PDGFD: variants seen among roughly 807,000 people sequenced by gnomAD.
PDGFD encodes the protein platelet-derived growth factor D.
Under a neutral mutation model 44.7 loss-of-function variants are expected in PDGFD, and 30 were observed. The observed-to-expected ratio is 0.67, with a 90% CI of 0.50 to 0.91. PDGFD has a LOEUF of 0.91. Among genes scored for constraint, PDGFD ranks in the 40% least tolerant of loss-of-function variants. The pLI is 0.00. For synonymous variants in PDGFD, 173 were observed against 168.4 expected (o/e 1.03, Z -0.21); for missense variants, 445 against 457.8 (o/e 0.97, Z 0.25).
At chr11:104,092,993 T>C (rs755950883) in intron 1 of PDGFD, among the ~76,000 whole-genome samples, 4 of 152,130 alleles carry the variant, frequency 2.6e-5, no homozygotes, top group Non-Finnish European at 5.9e-5. Context: ...TAGAATCTAC[T>C]ACAAAATTAT....
At chr11:104,016,344 A>C (rs1235367425) in intron 1 of PDGFD, among the ~76,000 whole-genome samples, 1 of 152,240 alleles carries the variant, frequency 6.6e-6, no homozygotes, top group African/African-American at 2.4e-5. Context: ...GGTTGGATTC[A>C]AGGCCAAAGA....
At chr11:104,053,344 T>A (rs1860571394) in intron 1 of PDGFD, among the ~76,000 whole-genome samples, 1 of 152,246 alleles carries the variant, frequency 6.6e-6, no homozygotes. Flanking sequence ...GCAAAATAAC[T>A]GAAATTTAAC....
intron 1 of PDGFD, among the ~76,000 whole-genome samples, chr11:104,153,495 G>A (rs539807581): frequency 1.4e-4 from 21 of 152,154 alleles, no homozygotes; most frequent in African/African-American, 2.7e-4. Context: ...AAATTTAACT[G>A]AGGAGGGTTG....
intron 1 of PDGFD, chr11:104,036,848 G>A (rs765905483): frequency 1.2e-6 from 2 of 1,613,892 alleles, no homozygotes; most frequent in Non-Finnish European, 8.5e-7. Context: ...TACTGCGTGC[G>A]GAGGGACCTC....
chr11:104,007,068 C>G (rs1390247977), intron 1 of PDGFD, among the ~76,000 whole-genome samples: 1 of 152,190 alleles, frequency 6.6e-6, no homozygotes, highest in Non-Finnish European at 1.5e-5. Context: ...CCCCAGGGGT[C>G]TCATCTGCGT....
intron 1 of PDGFD, among the ~76,000 whole-genome samples, chr11:104,136,709 A>G (rs899652768): frequency 2.0e-5 from 3 of 152,208 alleles, no homozygotes; most frequent in Non-Finnish European, 2.9e-5. Flanking sequence ...CCAATAGTAA[A>G]TAACATGGAA....
intron 1 of PDGFD, among the ~76,000 whole-genome samples, chr11:104,115,654 G>T (rs1861625900): frequency 6.6e-6 from 1 of 151,922 alleles, no homozygotes; most frequent in African/African-American, 2.4e-5. Context: ...ATTCCCACTA[G>T]CAGTGTAGAA....
At chr11:104,063,211 T>G (rs1860739111) in intron 1 of PDGFD, among the ~76,000 whole-genome samples, 2 of 151,790 alleles carry the variant, frequency 1.3e-5, no homozygotes, top group Non-Finnish European at 2.9e-5. Flanking sequence ...ACTCAGGCAA[T>G]ACATACCAAT....
intron 3 of PDGFD, among the ~76,000 whole-genome samples, chr11:103,984,578 G>A (rs1859324396): frequency 6.6e-6 from 1 of 151,282 alleles, no homozygotes; most frequent in Non-Finnish European, 1.5e-5. Context: ...AAAAAGAAAT[G>A]TGCCAAAATA....
intron 3 of PDGFD, among the ~76,000 whole-genome samples, chr11:103,966,134 ACT>A (rs1297679318): frequency 1.3e-5 from 2 of 152,104 alleles, no homozygotes; most frequent in Non-Finnish European, 2.9e-5. Flanking sequence ...AATTAGAGTC[ACT>A]CTATTCCCAG....
At chr11:104,065,072 G>T (rs765497848) in intron 1 of PDGFD, among the ~76,000 whole-genome samples, 1 of 152,154 alleles carries the variant, frequency 6.6e-6, no homozygotes, top group Non-Finnish European at 1.5e-5. Context: ...AACGTTGAGA[G>T]AATCAACTGG....
chr11:104,026,600 A>T (rs1191209274), intron 1 of PDGFD, among the ~76,000 whole-genome samples: 1 of 152,206 alleles, frequency 6.6e-6, no homozygotes, highest in Admixed American at 6.5e-5. Flanking sequence ...ATCCCATTTT[A>T]AAAAATTCCA....
chr11:104,159,537 A>G (rs1174830065), intron 1 of PDGFD, among the ~76,000 whole-genome samples: 2 of 152,236 alleles, frequency 1.3e-5, no homozygotes, highest in African/African-American at 4.8e-5. Context: ...AAGGACAGAG[A>G]CAGAAATATG....
intron 1 of PDGFD, among the ~76,000 whole-genome samples, chr11:104,003,057 A>G (rs1029017126): frequency 6.6e-6 from 1 of 152,268 alleles, no homozygotes; most frequent in African/African-American, 2.4e-5. Flanking sequence ...AGATCTGGAT[A>G]GAATTTAAAA....
chr11:104,060,728 T>A (rs1860700152), intron 1 of PDGFD, among the ~76,000 whole-genome samples: 1 of 152,242 alleles, frequency 6.6e-6, no homozygotes, highest in African/African-American at 2.4e-5. Context: ...GTCTCCCATA[T>A]GGTGCTTCTG....
chr11:104,060,980 A>G (rs970308836), intron 1 of PDGFD, among the ~76,000 whole-genome samples: 1 of 152,154 alleles, frequency 6.6e-6, no homozygotes, highest in Non-Finnish European at 1.5e-5. Flanking sequence ...CAGAAACTCT[A>G]CAACCACTAA....
intron 1 of PDGFD, among the ~76,000 whole-genome samples, chr11:104,023,929 T>C (rs780174468): frequency 3.9e-5 from 6 of 152,124 alleles, no homozygotes; most frequent in Non-Finnish European, 8.8e-5. Context: ...ACATTGCTAA[T>C]ATAAGAAAAA....
In PDGFD at chr11:104,024,313, G is replaced by T. The variant is rs1860008490; in HGVS notation, c.125-24058C>A. On this transcript the variant is annotated intron_variant, in intron 1 of 6. Transcript: ENST00000393158. ...ATCAGCTTTATTCATCAGTAATCATGCTGCTGTAGACATTCCACATGTAAA... is the reference window on the plus strand; with the variant it reads ...ATCAGCTTTATTCATCAGTAATCATTCTGCTGTAGACATTCCACATGTAAA... Among the ~76,000 whole-genome samples the T allele has an allele frequency of 3.9e-5, 6 of 152,090 alleles. No homozygotes were observed. In the South Asian group the frequency reaches 1.2e-3, roughly 32 times the overall value.
chr11:104,008,042 T>G (rs541837383), intron 1 of PDGFD, among the ~76,000 whole-genome samples: 24 of 152,302 alleles, frequency 1.6e-4, no homozygotes, highest in Non-Finnish European at 3.2e-4. Context: ...AAGCTTTCCA[T>G]ATTTAAGAGC....
Sources: allele counts gnomAD v4.1 joint callset (sites outside exome capture counted in the v4.1 genomes callset), GRCh38; gene constraint gnomAD v4.1.1; transcripts MANE v1.5; gene names NCBI Gene and HGNC (gene_info 2026-07-23, HGNC 2026-07-21).